SORL1-AS1: variants seen among roughly 807,000 people sequenced by gnomAD.
SORL1-AS1 encodes lncRNA 51 A.
chr11:121,441,530 C>CAAAAAAAAAAAAAAAAAAAAAAAAA, the SORL1-AS1 span, among the ~76,000 whole-genome samples: 22 of 52,354 alleles, frequency 4.2e-4, no homozygotes, highest in African/African-American at 6.5e-4. Flanking sequence ...GACTCTGTCT[C>CAAAAAAAAAAAAAAAAAAAAAAAAA]AAAAAAAAAA....
chr11:121,440,072 C>A, the SORL1-AS1 span, among the ~76,000 whole-genome samples: 1 of 152,226 alleles, frequency 6.6e-6, no homozygotes, highest in East Asian at 1.9e-4. Context: ...CTTGCTGGGG[C>A]TCAGGAAATG....
chr11:121,446,842 G>A (rs994927739), downstream of SORL1-AS1, among the ~76,000 whole-genome samples: 5 of 151,846 alleles, frequency 3.3e-5, no homozygotes, highest in Admixed American at 6.6e-5. Flanking sequence ...CTGGCCCTAA[G>A]AGAGTGCAGA....
chr11:121,452,750 T>C lies in SORL1-AS1; in HGVS notation n.264A>G. On this transcript the variant is annotated non_coding_transcript_exon_variant, in exon 1 of 2. Coordinates refer to ENST00000501964, the Ensembl canonical transcript of SORL1-AS1. The surrounding 1 kb of genome is among the most constrained non-coding windows in gnomAD (Gnocchi z 5.3). Reference sequence around the variant, plus strand: ...ACTTCCCGGCTTGCATTTGTTTTTTTCCTTCACGAGTACAACCGTCAGCAC... The same window carrying C: ...ACTTCCCGGCTTGCATTTGTTTTTTCCCTTCACGAGTACAACCGTCAGCAC... 3 of 753,244 alleles carry C rather than the reference T, an allele frequency of 4.0e-6. No individual in the cohort carries two copies. The South Asian group carries it at 7.4e-5, about 19-fold the overall frequency. The allele number at this position is 753,244 out of a possible 1,614,324, so 46.7% of individuals were successfully genotyped here.
At chr11:121,451,677 T>C (rs1043393163) in intron 1 of SORL1-AS1, among the ~76,000 whole-genome samples, 20 of 152,222 alleles carry the variant, frequency 1.3e-4, no homozygotes, top group Admixed American at 1.2e-3. Context: ...AAGGGTAGTT[T>C]TTGCTGTGGC....
At chr11:121,442,740 G>A (rs1419047844), downstream of SORL1-AS1, among the ~76,000 whole-genome samples, 8 of 148,226 alleles carry the variant, frequency 5.4e-5, no homozygotes, top group African/African-American at 2.0e-4. Flanking sequence ...GTGCAGTGGC[G>A]TGATCTCGGC....
downstream of SORL1-AS1, among the ~76,000 whole-genome samples, chr11:121,443,334 CCAAA>C (rs1860686029): frequency 6.6e-6 from 1 of 152,160 alleles, no homozygotes; most frequent in African/African-American, 2.4e-5. Context: ...AGGTTGCTGG[CCAAA>C]CAAACACAGT....
In SORL1-AS1 at chr11:121,452,333, T is replaced by G. The variant is rs1591539466; in HGVS notation, n.339+342A>C. On this transcript the variant is annotated intron_variant and non_coding_transcript_variant, in intron 1 of 1. Coordinates refer to ENST00000501964, the Ensembl canonical transcript of SORL1-AS1. The surrounding 1 kb of genome is among the most constrained non-coding windows in gnomAD (Gnocchi z 5.3). ...ACCTGCAGTAGCGTTCGCCCGAACA[T>G]GGCGACACGGAGCAGCAGGAGGGAG... is the stretch of plus-strand genomic sequence containing the variant. 1.3e-6 allele frequency: 2 copies of G among 1,541,322 alleles called. No homozygotes were observed. The highest frequency in any genetic ancestry group is 1.7e-6 in the Non-Finnish European group (2 of 1,148,658).
downstream of SORL1-AS1, among the ~76,000 whole-genome samples, chr11:121,442,641 T>A (rs1453318875): frequency 2.4e-5 from 3 of 127,538 alleles, no homozygotes; most frequent in African/African-American, 6.3e-5. Context: ...TCTCTCTCTC[T>A]TTTATTTATT....
downstream of SORL1-AS1, among the ~76,000 whole-genome samples, chr11:121,442,674 T>TTTACTTAC (rs202037027): frequency 7.1e-6 from 1 of 141,568 alleles, no homozygotes; most frequent in African/African-American, 2.7e-5. Context: ...TATTTATTTA[T>TTTACTTAC]TTATTTATTT....
rs538576494 is a variant in SORL1-AS1 at position 121,452,914 on chromosome 11, A to G, written n.100T>C. ...GCAGGTATAGGAGGGGTGCAGCTTC[A>G]TTTTACATCTGGATAAAAAACGGGC... is the stretch of plus-strand genomic sequence containing the variant. On this transcript the variant is annotated non_coding_transcript_exon_variant, in exon 1 of 2. Coordinates refer to ENST00000501964, the Ensembl canonical transcript of SORL1-AS1. This position sits in a 1 kb window ranked among gnomAD's most constrained non-coding sequence, Gnocchi z 5.3. 13 of 338,954 alleles carry G rather than the reference A, an allele frequency of 3.8e-5. No individual in the cohort carries two copies. In the South Asian group the frequency reaches 5.0e-4, roughly 13 times the overall value. The allele number at this position is 338,954 out of a possible 1,614,324, so 21.0% of individuals were successfully genotyped here. A position where few individuals can be genotyped will look rare whatever the true frequency, so the allele number is the denominator to read the frequency against.
exon 2 of SORL1-AS1, chr11:121,449,439 G>A (rs544575651): frequency 6.6e-6 from 1 of 152,344 alleles, no homozygotes; most frequent in East Asian, 1.9e-4. Context: ...CTCCTGTCCT[G>A]GGTGACCTTG....
chr11:121,446,507 T>G (rs1187211449), downstream of SORL1-AS1, among the ~76,000 whole-genome samples: 1 of 152,008 alleles, frequency 6.6e-6, no homozygotes, highest in Non-Finnish European at 1.5e-5. Flanking sequence ...TCCCAGCACT[T>G]TGGGAAGCTG....
chr11:121,438,507 T>C, the SORL1-AS1 span, among the ~76,000 whole-genome samples: 1 of 152,150 alleles, frequency 6.6e-6, no homozygotes, highest in African/African-American at 2.4e-5. Context: ...AGATGAGTTT[T>C]TCCTGTTGCT....
chr11:121,440,147 T>G, the SORL1-AS1 span, among the ~76,000 whole-genome samples: 1 of 152,092 alleles, frequency 6.6e-6, no homozygotes, highest in Non-Finnish European at 1.5e-5. Context: ...CCAAGGCAGG[T>G]AGATCACTTG....
downstream of SORL1-AS1, among the ~76,000 whole-genome samples, chr11:121,444,531 T>G (rs912254750): frequency 6.6e-6 from 1 of 152,226 alleles, no homozygotes; most frequent in Non-Finnish European, 1.5e-5. Flanking sequence ...CCTCTAGTAC[T>G]TTACACTGCA....
chr11:121,442,773 G>A (rs1221250581), downstream of SORL1-AS1, among the ~76,000 whole-genome samples: 159 of 141,676 alleles, frequency 1.1e-3, no homozygotes, highest in South Asian at 1.1e-3. Flanking sequence ...CCGCCTCCCA[G>A]GTTCACGCCA....
intron 1 of SORL1-AS1, among the ~76,000 whole-genome samples, chr11:121,451,545 T>C (rs909902312): frequency 6.6e-6 from 1 of 152,248 alleles, no homozygotes; most frequent in Non-Finnish European, 1.5e-5. Flanking sequence ...AAGCACACCC[T>C]GTATAGCTGT....
chr11:121,438,924 G>A, the SORL1-AS1 span, among the ~76,000 whole-genome samples: 1 of 152,212 alleles, frequency 6.6e-6, no homozygotes, highest in Non-Finnish European at 1.5e-5. Context: ...TACCTGGGAG[G>A]CTGAGGCACA....
chr11:121,444,485 G>C (rs1237225776), downstream of SORL1-AS1, among the ~76,000 whole-genome samples: 1 of 152,212 alleles, frequency 6.6e-6, no homozygotes, highest in Non-Finnish European at 1.5e-5. Context: ...GGCAGAGCCG[G>C]ATATAAACCC....
Sources: gnomAD v4.1 joint callset for allele counts (sites outside exome capture counted in the v4.1 genomes callset) on GRCh38, gnomAD v4.1.1 for gene constraint, Gnocchi (gnomAD v3.1) non-coding constraint, MANE v1.5 for transcripts, NCBI Gene and HGNC (gene_info 2026-07-23, HGNC 2026-07-21) for gene names.